ZHX3: variants seen among roughly 807,000 people sequenced by gnomAD.
ZHX3 encodes the protein zinc fingers and homeoboxes 3.
ZHX3 carries 20 observed loss-of-function variants against 64.5 expected under a neutral mutation model. The ratio of observed to expected loss-of-function variants is 0.31; its 90% CI spans 0.22 to 0.45. The LOEUF is 0.45. ZHX3 is among the 20% of genes least tolerant of loss of function. The pLI is 1.00. For synonymous variants in ZHX3, 423 were observed against 461.6 expected, an observed-to-expected ratio of 0.92 and a Z score of 1.07; for missense variants, 1,041 against 1,195.8, an observed-to-expected ratio of 0.87 and a Z score of 1.91.
In ZHX3 at chr20:41,181,147, C is replaced by T. The variant is rs556366819; in HGVS notation, c.*4044G>A. ...GTCAAGAGACCCTGAAGAGGAGGGTCCGTGTCTGGAGTGAGGGGAACTGAG... is the reference window on the plus strand; with the variant it reads ...GTCAAGAGACCCTGAAGAGGAGGGTTCGTGTCTGGAGTGAGGGGAACTGAG... On this transcript the variant is annotated 3_prime_UTR_variant, in exon 4 of 4. Coordinates refer to ENST00000683867, the MANE Select transcript of ZHX3 (RefSeq NM_001384317.1). The T allele has an allele frequency of 6.6e-6, 1 of 152,360 alleles. No individual in the cohort carries two copies. Among genetic ancestry groups the T allele is most frequent in the South Asian group, 2.1e-4 (1 of 4,828 alleles). The allele number at this position is 152,360 out of a possible 1,614,324, so 9.4% of individuals were successfully genotyped here.
chr20:41,248,592 T>G (rs910365741), intron 2 of ZHX3, among the ~76,000 whole-genome samples: 3 of 152,092 alleles, frequency 2.0e-5, no homozygotes, highest in Non-Finnish European at 4.4e-5. Context: ...GAAAAGAAAA[T>G]TTTTTTATGT....
intron 1 of ZHX3, among the ~76,000 whole-genome samples, chr20:41,273,428 A>T (rs1193223042): frequency 6.6e-6 from 1 of 152,124 alleles, no homozygotes; most frequent in Non-Finnish European, 1.5e-5. Flanking sequence ...GTTTCTAAGA[A>T]TCCATTACCA....
intron 1 of ZHX3, among the ~76,000 whole-genome samples, chr20:41,314,601 C>T (rs375653585): frequency 7.9e-5 from 12 of 152,310 alleles, no homozygotes; most frequent in South Asian, 2.1e-4. Flanking sequence ...ACAGGGATAA[C>T]GCATAAGAAG....
At chr20:41,280,388 C>G (rs2043617397) in intron 1 of ZHX3, among the ~76,000 whole-genome samples, 1 of 152,026 alleles carries the variant, frequency 6.6e-6, no homozygotes, top group Non-Finnish European at 1.5e-5. Flanking sequence ...TAAATATTCT[C>G]CAGATAATTT....
intron 1 of ZHX3, among the ~76,000 whole-genome samples, chr20:41,299,310 A>C (rs889684800): frequency 1.3e-5 from 2 of 152,226 alleles, no homozygotes; most frequent in Admixed American, 6.5e-5. Flanking sequence ...AAAAGGCACA[A>C]GGATAATCTG....
intron 2 of ZHX3, among the ~76,000 whole-genome samples, chr20:41,213,401 A>G (rs1465665011): frequency 6.6e-6 from 1 of 151,986 alleles, no homozygotes; most frequent in African/African-American, 2.4e-5. Flanking sequence ...TAAGGTTTCA[A>G]TATAGGTGAC....
At position 41,205,077 on chromosome 20, in the gene ZHX3, G is replaced by T. The variant is rs1322893932; in HGVS notation, c.-150-11C>A. 5 of 1,240,780 alleles carry T rather than the reference G, an allele frequency of 4.0e-6. No individual in the cohort carries two copies. Among genetic ancestry groups the T allele is most frequent in the Admixed American group, 7.2e-5 (2 of 27,602 alleles). 76.9% of individuals were successfully genotyped at this position (1,240,780 alleles called of 1,614,324 possible). A position where few individuals can be genotyped will look rare whatever the true frequency, so the allele number is the denominator to read the frequency against. ...TTTTCCCTATTCAATCTAAGGAAAG[G>T]GAGAAAAAAATGATTAAGTTCTCTT... is the stretch of plus-strand genomic sequence containing the variant. On this transcript the variant is annotated splice_polypyrimidine_tract_variant and intron_variant, in intron 2 of 3. Transcript: ENST00000683867.
chr20:41,291,369 G>T (rs1321369078), intron 1 of ZHX3, among the ~76,000 whole-genome samples: 3 of 152,172 alleles, frequency 2.0e-5, no homozygotes, highest in Non-Finnish European at 4.4e-5. Flanking sequence ...GCAGAATTAG[G>T]ATTACGGCAG....
At position 41,190,596 on chromosome 20, in the gene ZHX3, G is replaced by A. The variant is rs75346834; in HGVS notation, c.2861-5395C>T. Among the ~76,000 whole-genome samples, 24 of 152,182 alleles carry A rather than the reference G, an allele frequency of 1.6e-4. No homozygotes were observed. The East Asian group carries it at 4.4e-3, about 28-fold the overall frequency. On this transcript the variant is annotated intron_variant, in intron 3 of 3. Coordinates refer to ENST00000683867, the MANE Select transcript of ZHX3 (RefSeq NM_001384317.1). ...GTAGTTTTCTGTAGTGGTAGCATTT[G>A]AGTCTTTTCCTCATCTGTGTGTTTG...
Position 41,180,204 on chromosome 20 carries a change from C to T in ZHX3, c.*4987G>A, listed in dbSNP as rs1435295236. 2 of 152,912 alleles carry T rather than the reference C, an allele frequency of 1.3e-5. No homozygotes were observed. Among genetic ancestry groups the T allele is most frequent in the East Asian group, 1.9e-4 (1 of 5,186 alleles). The allele number at this position is 152,912 out of a possible 1,614,324, so 9.5% of individuals were successfully genotyped here. ...ACCAGAGCGGCTGCCTTCCTCCCTT[C>T]GCTCAGCTGCCAGAGCAGCCACGAA... On this transcript the variant is annotated 3_prime_UTR_variant, in exon 4 of 4. Transcript: ENST00000683867.
intron 3 of ZHX3, among the ~76,000 whole-genome samples, chr20:41,194,544 C>T (rs184043074): frequency 3.1e-4 from 47 of 152,124 alleles, no homozygotes; most frequent in African/African-American, 1.1e-3. Context: ...TCTTGTAGTG[C>T]CCTTGTCTTG....
At chr20:41,234,540 T>A (rs1370576275) in intron 2 of ZHX3, among the ~76,000 whole-genome samples, 1 of 152,108 alleles carries the variant, frequency 6.6e-6, no homozygotes, top group African/African-American at 2.4e-5. Flanking sequence ...AAGTTAAGAG[T>A]GACCTATGTC....
intron 3 of ZHX3, among the ~76,000 whole-genome samples, chr20:41,198,939 C>T (rs944039129): frequency 6.6e-6 from 1 of 151,630 alleles, no homozygotes; most frequent in Non-Finnish European, 1.5e-5. Flanking sequence ...TCTTTCTTCT[C>T]CTTTGGATAA....
At chr20:41,243,255 C>A (rs1377245354) in intron 2 of ZHX3, among the ~76,000 whole-genome samples, 1 of 152,174 alleles carries the variant, frequency 6.6e-6, no homozygotes, top group Non-Finnish European at 1.5e-5. Context: ...TGCTACCAGC[C>A]CAGCATCAGT....
At chr20:41,308,124 G>A (rs184116346) in intron 1 of ZHX3, among the ~76,000 whole-genome samples, 110 of 152,278 alleles carry the variant, frequency 7.2e-4, no homozygotes, top group Admixed American at 2.4e-3. Context: ...CACACTGATC[G>A]GTTGAGTATT....
chr20:41,240,628 C>G (rs1278234429), intron 2 of ZHX3, among the ~76,000 whole-genome samples: 1 of 152,108 alleles, frequency 6.6e-6, no homozygotes, highest in South Asian at 2.1e-4. Flanking sequence ...TTTGTACCCA[C>G]GAACCATCCC....
At chr20:41,284,774 G>T (rs894602263) in intron 1 of ZHX3, among the ~76,000 whole-genome samples, 2 of 151,942 alleles carry the variant, frequency 1.3e-5, no homozygotes, top group African/African-American at 4.8e-5. Flanking sequence ...TTATGATCTG[G>T]ATCTAAGCCT....
At position 41,193,684 on chromosome 20, in the gene ZHX3, GTTT is replaced by G. The variant is rs892325651; in HGVS notation, c.2860+8370_2860+8372del. Among the ~76,000 whole-genome samples the G allele has an allele frequency of 1.2e-4, 17 of 144,298 alleles. No individual in the cohort carries two copies. In the East Asian group the frequency reaches 1.8e-3, roughly 15 times the overall value. 94.7% of individuals were successfully genotyped at this position (144,298 alleles called of 152,430 possible). A position where few individuals can be genotyped will look rare whatever the true frequency, so the allele number is the denominator to read the frequency against. ...TATTTTTGTGTGTGTGTGGATTCAAGTTTTTTTTTTGTTGTTGTTGTTGTTTTT... is the reference window on the plus strand; with the variant it reads ...TATTTTTGTGTGTGTGTGGATTCAAGTTTTTTTGTTGTTGTTGTTGTTTTT... On this transcript the variant is annotated intron_variant, in intron 3 of 3. Coordinates refer to ENST00000683867, the MANE Select transcript of ZHX3 (RefSeq NM_001384317.1).
At chr20:41,249,049 C>A (rs2041859586) in intron 2 of ZHX3, among the ~76,000 whole-genome samples, 1 of 152,140 alleles carries the variant, frequency 6.6e-6, no homozygotes, top group Admixed American at 6.5e-5. Flanking sequence ...GTAAACTATA[C>A]AAAATTACCC....
Sources: allele counts gnomAD v4.1 joint callset (sites outside exome capture counted in the v4.1 genomes callset), GRCh38; gene constraint gnomAD v4.1.1; transcripts MANE v1.5; gene names NCBI Gene and HGNC (gene_info 2026-07-23, HGNC 2026-07-21).